DENND2B: variants seen among roughly 807,000 people sequenced by gnomAD.
The protein encoded by DENND2B is DENN domain containing 2B.
DENND2B carries 32 observed loss-of-function variants against 116.0 expected under a neutral mutation model. The ratio of observed to expected loss-of-function variants is 0.28; its 90% CI spans 0.21 to 0.37. The LOEUF (loss-of-function observed/expected upper bound fraction) is 0.37. DENND2B is among the 10% of genes least tolerant of loss of function. The pLI, the probability that DENND2B is intolerant of heterozygous loss-of-function variation, is 1.00. For missense variants in DENND2B, 1,276 were observed against 1,477.7 expected (o/e 0.86, Z 2.24); for synonymous variants, 588 against 583.9 (o/e 1.01, Z -0.10).
rs969243164 is a variant in DENND2B at position 8,694,420 on chromosome 11, G to A, written c.3380-290C>T. ...ATCTGGCGGGCTGAGCACCCTGCAGGGAGGGGTGCATTTTGCAGGAAGGGC... is the reference window on the plus strand; with the variant it reads ...ATCTGGCGGGCTGAGCACCCTGCAGAGAGGGGTGCATTTTGCAGGAAGGGC... On this transcript the variant is annotated intron_variant, in intron 19 of 19. Transcript: ENST00000313726. 5 of 476,238 alleles carry A rather than the reference G, an allele frequency of 1.0e-5. No homozygotes were observed. In the Admixed American group the frequency reaches 1.3e-4, roughly 12 times the overall value. The allele number at this position is 476,238 out of a possible 1,614,324, so 29.5% of individuals were successfully genotyped here. A position where few individuals can be genotyped will look rare whatever the true frequency, so the allele number is the denominator to read the frequency against.
chr11:8,804,893 T>A (rs1381561522), intron 1 of DENND2B, among the ~76,000 whole-genome samples: 1 of 152,144 alleles, frequency 6.6e-6, no homozygotes, highest in African/African-American at 2.4e-5. Flanking sequence ...CGTAGTAACA[T>A]CAACCTGTTT....
chr11:8,868,633 C>T (rs2063666952), intron 2 of DENND2B, among the ~76,000 whole-genome samples: 1 of 152,194 alleles, frequency 6.6e-6, no homozygotes, highest in African/African-American at 2.4e-5. Flanking sequence ...ATCTTTAAAA[C>T]AAGAGCAACA....
At chr11:8,817,470 G>C (rs562464320) in intron 4 of DENND2B, among the ~76,000 whole-genome samples, 1 of 152,058 alleles carries the variant, frequency 6.6e-6, no homozygotes, top group African/African-American at 2.4e-5. Context: ...TTTATGATAG[G>C]AAGTTTTCCC....
At chr11:8,905,471 A>T (rs1449476062) in intron 1 of DENND2B, among the ~76,000 whole-genome samples, 3 of 152,182 alleles carry the variant, frequency 2.0e-5, no homozygotes, top group Non-Finnish European at 2.9e-5. Flanking sequence ...TTCAAAAAAA[A>T]TTTTCATGAC....
At chr11:8,799,090 G>A (rs575229443) in intron 1 of DENND2B, among the ~76,000 whole-genome samples, 1 of 152,264 alleles carries the variant, frequency 6.6e-6, no homozygotes, top group Admixed American at 6.5e-5. Flanking sequence ...CTAAAGTGCT[G>A]GGATTACAGG....
At chr11:8,874,181 C>T (rs140662350), upstream of DENND2B, among the ~76,000 whole-genome samples, 349 of 152,290 alleles carry the variant, frequency 2.3e-3, 2 homozygotes, top group African/African-American at 8.2e-3. Context: ...TTCCTCTGTA[C>T]GGTCTTCTGT....
rs535663673 is a variant in DENND2B, at chr11:8,770,767, T to C, written c.-25-20042A>G. On this transcript the variant is annotated intron_variant, in intron 1 of 19. Transcript: ENST00000313726. ...AGTGCAGGGGCATCATTATAGCTAC[T>C]GCAGCCCTGAACTCCTGGCTAAAAT... Among the ~76,000 whole-genome samples, 26 of 152,312 alleles carry C rather than the reference T, an allele frequency of 1.7e-4. No homozygotes were observed. The South Asian group carries it at 4.8e-3, about 28-fold the overall frequency.
chr11:8,879,230 G>T (rs1040824094), intron 2 of DENND2B, among the ~76,000 whole-genome samples: 2 of 152,178 alleles, frequency 1.3e-5, no homozygotes, highest in African/African-American at 4.8e-5. Context: ...TGAAGAAGGG[G>T]TAAGAGATGT....
intron 4 of DENND2B, among the ~76,000 whole-genome samples, chr11:8,817,525 AG>A (rs965226254): frequency 2.0e-5 from 3 of 152,046 alleles, no homozygotes; most frequent in African/African-American, 7.2e-5. Context: ...TCCTACCACC[AG>A]CACCCCACCC....
intron 1 of DENND2B, among the ~76,000 whole-genome samples, chr11:8,907,892 G>T (rs2064259251): frequency 6.6e-6 from 1 of 151,908 alleles, no homozygotes; most frequent in Admixed American, 6.6e-5. Context: ...ATAGAGACAG[G>T]GGTCTCACTA....
intron 1 of DENND2B, among the ~76,000 whole-genome samples, chr11:8,901,944 T>C (rs1355504762): frequency 2.0e-5 from 3 of 152,220 alleles, no homozygotes; most frequent in African/African-American, 7.2e-5. Context: ...TATTGTTGGA[T>C]GGAGTTTCCT....
At chr11:8,723,735 A>G (rs1448816067) in intron 4 of DENND2B, among the ~76,000 whole-genome samples, 1 of 152,166 alleles carries the variant, frequency 6.6e-6, no homozygotes, top group Non-Finnish European at 1.5e-5. Flanking sequence ...TGGGTGGCCT[A>G]TAGGTACAAA....
chr11:8,696,528 A>G lies in DENND2B; in HGVS notation c.3191T>C (p.Val1064Ala). The G allele has an allele frequency of 6.2e-7, 1 of 1,614,226 alleles. No homozygotes were observed. Among genetic ancestry groups the G allele is most frequent in the Non-Finnish European group, 8.5e-7 (1 of 1,180,038 alleles). ...AAAGCGGCGGATGCTTTTGGAGGCC[A>G]CAGATTTGCGGAAGGCCTCTCGCTG... ...AFQREAFRKS[V>A]ASKSIRRFLE... Residue 1064 changes from valine to alanine, a missense_variant, in exon 18 of 20, where the codon GTG (valine) becomes GCG (alanine). Val to Ala is a moderately conservative substitution (Grantham distance 64). Coordinates refer to ENST00000313726, the MANE Select transcript of DENND2B (RefSeq NM_213618.2).
chr11:8,851,306 T>C (rs967458989), intron 3 of DENND2B, among the ~76,000 whole-genome samples: 3 of 152,040 alleles, frequency 2.0e-5, no homozygotes, highest in African/African-American at 7.2e-5. Context: ...ATATATACAA[T>C]TATTTGTCAA....
intron 4 of DENND2B, among the ~76,000 whole-genome samples, chr11:8,833,626 C>G (rs1315878331): frequency 6.6e-6 from 1 of 152,134 alleles, no homozygotes; most frequent in African/African-American, 2.4e-5. Context: ...ATGGGGATAA[C>G]AGGAGGCACA....
intron 19 of DENND2B, 92 bp downstream of exon 19, chr11:8,695,371 G>A (rs1268062562): frequency 1.7e-6 from 2 of 1,193,848 alleles, no homozygotes; most frequent in South Asian, 1.2e-5. Flanking sequence ...TATAACACCT[G>A]TTGACATTGA....
chr11:8,789,230 T>C (rs2059166139), intron 1 of DENND2B, among the ~76,000 whole-genome samples: 1 of 152,240 alleles, frequency 6.6e-6, no homozygotes. Flanking sequence ...CATGTGTTAA[T>C]AGTCATAGTT....
chr11:8,901,229 C>CTTTTTTT (rs1555223231), intron 1 of DENND2B, among the ~76,000 whole-genome samples: 34 of 83,918 alleles, frequency 4.1e-4, no homozygotes, highest in African/African-American at 8.2e-4. Context: ...CTTTTCTTTT[C>CTTTTTTT]TTTTTTTTTT....
intron 2 of DENND2B, among the ~76,000 whole-genome samples, chr11:8,739,105 G>A (rs1055110915): frequency 1.3e-5 from 2 of 152,196 alleles, no homozygotes; most frequent in Non-Finnish European, 2.9e-5. Context: ...TATTTGTGTT[G>A]AATGACTAAA....
Sources: gnomAD v4.1 joint callset for allele counts (sites outside exome capture counted in the v4.1 genomes callset) on GRCh38, gnomAD v4.1.1 for gene constraint, MANE v1.5 for transcripts, NCBI Gene and HGNC (gene_info 2026-07-23, HGNC 2026-07-21) for gene names.